IL1RL1: variants seen among roughly 807,000 people sequenced by gnomAD.
The protein encoded by IL1RL1 is interleukin-1 receptor-like 1.
IL1RL1 carries 32 observed loss-of-function variants against 50.9 expected under a neutral mutation model. That is an observed-to-expected ratio of 0.63 (90% confidence interval 0.47 to 0.84). The LOEUF is 0.84. IL1RL1 is among the 40% of genes least tolerant of loss of function. The pLI is 0.00. For missense variants in IL1RL1, 773 were observed against 662.9 expected, an observed-to-expected ratio of 1.17 and a Z score of -1.82; for synonymous variants, 275 against 236.0, an observed-to-expected ratio of 1.17 and a Z score of -1.51.
At chr2:102,351,423 G>T in intron 10 of IL1RL1, 113 bp from the exon 11 acceptor site, 1 of 930,308 alleles carries the variant, frequency 1.1e-6, no homozygotes, top group Non-Finnish European at 1.6e-6. Context: ...TAAGTGACTT[G>T]ATGTCAGAGA....
At chr2:102,334,814 C>A (rs927286640) in intron 1 of IL1RL1, among the ~76,000 whole-genome samples, 11 of 152,132 alleles carry the variant, frequency 7.2e-5, no homozygotes, top group African/African-American at 2.4e-4. Flanking sequence ...TTGAAAGATA[C>A]CTTCTAAGTT....
intron 1 of IL1RL1, among the ~76,000 whole-genome samples, chr2:102,311,860 TATATAATATATATTATATA>T (rs1236889812): frequency 4.5e-5 from 2 of 44,622 alleles, no homozygotes; most frequent in African/African-American, 8.1e-5. Flanking sequence ...ATAATATAAT[TATATAATATATATTATATA>T]ATATAATATA....
At chr2:102,345,202 C>T in intron 8 of IL1RL1, 1 of 981,468 alleles carries the variant, frequency 1.0e-6, no homozygotes, top group Non-Finnish European at 1.2e-6. Flanking sequence ...AGATGAAGTG[C>T]TCTTCCCACA....
intron 10 of IL1RL1, among the ~76,000 whole-genome samples, chr2:102,350,246 G>T (rs1476107247): frequency 3.3e-5 from 5 of 152,222 alleles, no homozygotes; most frequent in African/African-American, 4.8e-5. Context: ...TCAAGAACCT[G>T]CAGGGACTCC....
At chr2:102,342,387 T>C in intron 6 of IL1RL1, 93 bp downstream of exon 6, 1 of 851,824 alleles carries the variant, frequency 1.2e-6, no homozygotes, top group Non-Finnish European at 2.0e-6. Flanking sequence ...GGTCAGGCAA[T>C]TAGCATAAGG....
At chr2:102,345,728 T>G in intron 8 of IL1RL1, 1 of 985,414 alleles carries the variant, frequency 1.0e-6, no homozygotes, top group South Asian at 4.7e-5. Context: ...CTCATGTAGA[T>G]GGCTATAAGT....
Position 102,340,128 on chromosome 2 carries a change from T to C in IL1RL1, c.303T>C (p.Asn101=). ...CATTCAATAGGACTGGATATGCGAA[T>C]GTCACCATATATAAAAAACAATCAG... ...SPTFNRTGYA[N]VTIYKKQSDC... Residue 101 remains asparagine (N), a synonymous_variant, in exon 4 of 11, where the codon AAT becomes AAC. Transcript: ENST00000233954. 6.3e-7 allele frequency: 1 copy of C among 1,579,300 alleles called. No homozygotes were observed. The highest frequency in any genetic ancestry group is 8.6e-7 in the Non-Finnish European group (1 of 1,161,442).
chr2:102,338,648 G>T (rs2104983869), intron 2 of IL1RL1, among the ~76,000 whole-genome samples, 189 bp from the exon 3 acceptor site: 1 of 152,242 alleles, frequency 6.6e-6, no homozygotes, highest in Non-Finnish European at 1.5e-5. Context: ...GATAACTGTG[G>T]GGGATTTAGC....
intron 1 of IL1RL1, among the ~76,000 whole-genome samples, chr2:102,325,089 G>C (rs1676956052): frequency 6.6e-6 from 1 of 152,138 alleles, no homozygotes; most frequent in Admixed American, 6.5e-5. Context: ...AGCCTAACTG[G>C]GAGGCACCCC....
At chr2:102,319,831 G>C (rs930025068) in intron 1 of IL1RL1, among the ~76,000 whole-genome samples, 1 of 152,092 alleles carries the variant, frequency 6.6e-6, no homozygotes, top group Non-Finnish European at 1.5e-5. Context: ...TGGGACCATG[G>C]GCATGTGCCA....
chr2:102,323,250 TATATATA>T (rs555271415), intron 1 of IL1RL1, among the ~76,000 whole-genome samples: 4 of 137,250 alleles, frequency 2.9e-5, no homozygotes, highest in African/African-American at 9.0e-5. Context: ...TTAGGTTTTA[TATATATA>T]TATATATATA....
intron 1 of IL1RL1, among the ~76,000 whole-genome samples, chr2:102,327,992 C>T (rs1237072979): frequency 1.3e-5 from 2 of 152,208 alleles, no homozygotes; most frequent in African/African-American, 4.8e-5. Context: ...GGAATCCTCC[C>T]TAACGCATTT....
At chr2:102,322,032 ACTCT>A (rs1676851632) in intron 1 of IL1RL1, among the ~76,000 whole-genome samples, 1 of 152,026 alleles carries the variant, frequency 6.6e-6, no homozygotes, top group Non-Finnish European at 1.5e-5. Context: ...ATCTATCTAT[ACTCT>A]CTCTATCTAT....
intron 5 of IL1RL1, among the ~76,000 whole-genome samples, 177 bp from the exon 6 acceptor site, chr2:102,342,046 C>CGTGTGT (rs67962088): frequency 0.078 from 11,225 of 143,908 alleles, 501 homozygotes; most frequent in African/African-American, 0.13. Context: ...CTTTCTGTTT[C>CGTGTGT]GTGTGTGTGT....
In IL1RL1 at chr2:102,339,065, C is replaced by A. The variant is rs901977706; in HGVS notation, c.272+18C>A. The A allele has an allele frequency of 6.4e-6, 10 of 1,553,560 alleles. No individual in the cohort carries two copies. The East Asian group carries it at 2.3e-4, about 35-fold the overall frequency. ...GTCAGAAGGTATTATGCAGAAGGCT[C>A]CCATCTTCTTTCACCCTGCTCCCCT... On this transcript the variant is annotated intron_variant, in intron 3 of 10. Coordinates refer to ENST00000233954, the MANE Select transcript of IL1RL1 (RefSeq NM_016232.5).
intron 1 of IL1RL1, among the ~76,000 whole-genome samples, chr2:102,334,355 T>C (rs1449136449): frequency 6.6e-6 from 1 of 151,898 alleles, no homozygotes. Context: ...GAGGCTTGAG[T>C]GGGCCTAGAG....
intron 8 of IL1RL1, chr2:102,345,615 C>T (rs1677756020): frequency 8.1e-6 from 8 of 985,420 alleles, no homozygotes; most frequent in South Asian, 4.7e-5. Context: ...ATGGTGTAAT[C>T]GTGGCAGGTC....
chr2:102,317,448 T>G (rs1676711194), intron 1 of IL1RL1, among the ~76,000 whole-genome samples: 1 of 152,250 alleles, frequency 6.6e-6, no homozygotes, highest in Admixed American at 6.5e-5. Flanking sequence ...TAATAAAAAA[T>G]GTAATTCATA....
In IL1RL1 at chr2:102,340,809, C is replaced by A. The variant is rs368468978; in HGVS notation, c.591C>A (p.Thr197=). ...GAGCCAATTATAGTGTGACGGCGAC[C>A]AGGTCCTTCACGGTCAAGGGTAAGC... is the stretch of plus-strand genomic sequence containing the variant. ...ENGANYSVTA[T]RSFTVKDEQG... is the part of the protein sequence containing the mutation. The change falls in exon 5 of 11, where the codon ACC becomes ACA. Residue 197 remains threonine (T), a synonymous_variant. Coordinates refer to ENST00000233954, the MANE Select transcript of IL1RL1 (RefSeq NM_016232.5). 78 of 1,574,772 alleles carry A rather than the reference C, an allele frequency of 5.0e-5. No homozygotes were observed. The Admixed American group carries it at 1.1e-3, about 23-fold the overall frequency.
Sources: allele counts gnomAD v4.1 joint callset (sites outside exome capture counted in the v4.1 genomes callset), GRCh38; gene constraint gnomAD v4.1.1; transcripts MANE v1.5; gene names NCBI Gene and HGNC (gene_info 2026-07-23, HGNC 2026-07-21).